Variants in IGSF11 observed in about 807,000 individuals in gnomAD.
IGSF11 encodes the protein CXADR like 1.
A neutral mutation model predicts 41.0 loss-of-function variants in IGSF11; 22 were observed. The ratio of observed to expected loss-of-function variants is 0.54; its 90% CI spans 0.38 to 0.77. IGSF11 has a LOEUF of 0.77. Ranked by LOEUF, IGSF11 falls within the 30% of genes least tolerant of loss-of-function variation. The pLI, the probability that IGSF11 is intolerant of heterozygous loss-of-function variation, is 0.00. For synonymous variants in IGSF11, 219 were observed against 201.3 expected (o/e 1.09, Z -0.74); for missense variants, 444 against 530.8 (o/e 0.84, Z 1.61).
At chr3:119,049,041 A>G (rs1453153894) in intron 1 of IGSF11, among the ~76,000 whole-genome samples, 2 of 151,132 alleles carry the variant, frequency 1.3e-5, no homozygotes, top group South Asian at 4.2e-4. Flanking sequence ...AGCCAATATC[A>G]TACTGAATGG....
chr3:118,959,875 G>C (rs957270750), intron 1 of IGSF11, among the ~76,000 whole-genome samples: 1 of 151,796 alleles, frequency 6.6e-6, no homozygotes, highest in Admixed American at 6.6e-5. Context: ...GTGAAACCCC[G>C]CCTCTAAAAA....
intron 1 of IGSF11, among the ~76,000 whole-genome samples, chr3:119,009,081 C>T (rs61019124): frequency 0.34 from 51,322 of 152,018 alleles, 9,648 homozygotes; most frequent in African/African-American, 0.51. Context: ...TACACACACA[C>T]AAATTTCTCT....
intron 1 of IGSF11, among the ~76,000 whole-genome samples, chr3:118,997,865 A>G (rs557260048): frequency 3.2e-4 from 49 of 152,300 alleles, no homozygotes; most frequent in African/African-American, 1.1e-3. Context: ...AATATTTAAT[A>G]TAATGTACTG....
At chr3:119,102,043 T>C (rs1029203194) in intron 1 of IGSF11, among the ~76,000 whole-genome samples, 5 of 152,166 alleles carry the variant, frequency 3.3e-5, no homozygotes, top group Non-Finnish European at 4.4e-5. Flanking sequence ...CTTCCATCTT[T>C]TGTTTGTTCT....
intron 1 of IGSF11, among the ~76,000 whole-genome samples, chr3:118,987,380 C>G (rs1255102984): frequency 6.6e-6 from 1 of 152,192 alleles, no homozygotes; most frequent in African/African-American, 2.4e-5. Flanking sequence ...ACACTGGGAA[C>G]AAATGGTGGA....
At chr3:119,064,596 G>C (rs148292255) in intron 1 of IGSF11, among the ~76,000 whole-genome samples, 2 of 150,312 alleles carry the variant, frequency 1.3e-5, no homozygotes, top group Admixed American at 6.6e-5. Flanking sequence ...TTTTGACTGG[G>C]GTTGTACTGA....
chr3:118,994,541 C>T (rs1936087021), intron 1 of IGSF11, among the ~76,000 whole-genome samples: 1 of 152,036 alleles, frequency 6.6e-6, no homozygotes, highest in Non-Finnish European at 1.5e-5. Flanking sequence ...AACTATAGTC[C>T]CAGCTACTCA....
At chr3:119,072,475 G>A (rs574568165) in intron 1 of IGSF11, among the ~76,000 whole-genome samples, 76 of 152,278 alleles carry the variant, frequency 5.0e-4, no homozygotes, top group African/African-American at 1.8e-3. Flanking sequence ...GCGGACCCTC[G>A]CGGTGAGTGT....
chr3:119,032,895 A>C (rs1250376310), intron 1 of IGSF11, among the ~76,000 whole-genome samples: 2 of 152,228 alleles, frequency 1.3e-5, no homozygotes, highest in Non-Finnish European at 2.9e-5. Context: ...AGATACTCAA[A>C]AGCACAGAGT....
At chr3:119,008,722 G>A (rs1386426056) in intron 1 of IGSF11, among the ~76,000 whole-genome samples, 3 of 152,212 alleles carry the variant, frequency 2.0e-5, no homozygotes, top group Non-Finnish European at 4.4e-5. Context: ...GGGCTATGAG[G>A]TACCCAGATA....
At chr3:118,915,193 G>C (rs1287842371) in intron 4 of IGSF11, among the ~76,000 whole-genome samples, 3 of 138,060 alleles carry the variant, frequency 2.2e-5, no homozygotes, top group Non-Finnish European at 4.6e-5. Flanking sequence ...CTAAAATGCA[G>C]AGCGCCTCTC....
chr3:119,130,945 G>GC (rs2077473184), intron 1 of IGSF11, among the ~76,000 whole-genome samples: 2 of 152,170 alleles, frequency 1.3e-5, no homozygotes, highest in Non-Finnish European at 2.9e-5. Context: ...AACTCCAACA[G>GC]ACCTGCAGCT....
intron 1 of IGSF11, among the ~76,000 whole-genome samples, chr3:119,062,034 TA>T: frequency 6.6e-6 from 1 of 152,162 alleles, no homozygotes; most frequent in Admixed American, 6.6e-5. Context: ...TACCACCTTA[TA>T]AAAATGGAAT....
rs556867470 is a variant in IGSF11 at position 119,001,485 on chromosome 3, T to C, written c.52+33046A>G. On this transcript the variant is annotated intron_variant, in intron 1 of 6. Coordinates refer to ENST00000393775, the MANE Select transcript of IGSF11 (RefSeq NM_001015887.3). Reference sequence around the variant, plus strand: ...AGGTTTTCTTTTTTTTTTTTTTTTATTATACTTTAAGTTTTAGGGTACATG... The same window carrying C: ...AGGTTTTCTTTTTTTTTTTTTTTTACTATACTTTAAGTTTTAGGGTACATG... Among the ~76,000 whole-genome samples the C allele has an allele frequency of 2.3e-4, 29 of 127,682 alleles. 3 individuals are homozygous for C. In the South Asian group the frequency reaches 6.9e-3, roughly 30 times the overall value. 83.8% of individuals were successfully genotyped at this position (127,682 alleles called of 152,430 possible).
At chr3:119,000,087 G>A (rs1477308059) in intron 1 of IGSF11, among the ~76,000 whole-genome samples, 3 of 96,116 alleles carry the variant, frequency 3.1e-5, no homozygotes, top group African/African-American at 1.1e-4. Flanking sequence ...TTTTTTTTTG[G>A]TGGTGTAGTG....
intron 1 of IGSF11, among the ~76,000 whole-genome samples, chr3:119,010,244 T>A (rs1368347214): frequency 6.6e-6 from 1 of 152,174 alleles, no homozygotes; most frequent in Non-Finnish European, 1.5e-5. Flanking sequence ...GCAGTGTACA[T>A]GAGGTTACTG....
In IGSF11 at chr3:118,978,882, G is replaced by A. The variant is rs1413995749; in HGVS notation, c.53-48607C>T. Among the ~76,000 whole-genome samples, 4 of 152,202 alleles carry A rather than the reference G, an allele frequency of 2.6e-5. No individual in the cohort carries two copies. In the East Asian group the frequency reaches 7.7e-4, roughly 29 times the overall value. On this transcript the variant is annotated intron_variant, in intron 1 of 6. Transcript: ENST00000393775. The stretch of plus-strand genomic sequence containing the variant: ...GACACAGAAAACATAAAAATACAAG[G>A]AAATATGAAACCTGCAAGGGAACAC...
intron 1 of IGSF11, among the ~76,000 whole-genome samples, chr3:119,068,036 G>A (rs1473915728): frequency 2.6e-5 from 4 of 152,214 alleles, no homozygotes; most frequent in African/African-American, 4.8e-5. Flanking sequence ...AATACTGACT[G>A]CATCTAAGAA....
In IGSF11 at chr3:118,902,595, G is replaced by A. The variant is rs1939017894; in HGVS notation, c.1221C>T (p.Ser407=). The change falls in exon 7 of 7, where the codon AGC becomes AGT. Residue 407 remains serine, a synonymous_variant. Coordinates refer to ENST00000393775, the MANE Select transcript of IGSF11 (RefSeq NM_001015887.3). ...CACCAATTCGTTCCAGTGTTGCGTG[G>A]CTGATGGTGTAGGAATGAGTGTGTG... The part of the protein sequence containing the change: ...RPPHTHSYTI[S]HATLERIGAV... The A allele has an allele frequency of 6.2e-7, 1 of 1,614,066 alleles. No individual in the cohort carries two copies.
Sources: allele counts gnomAD v4.1 joint callset (sites outside exome capture counted in the v4.1 genomes callset), GRCh38; gene constraint gnomAD v4.1.1; transcripts MANE v1.5; gene names NCBI Gene and HGNC (gene_info 2026-07-23, HGNC 2026-07-21).